Variants in RLF observed in about 807,000 individuals in gnomAD.
The protein encoded by RLF is zinc finger protein Rlf.
In RLF, 7 loss-of-function variants were observed where a neutral mutation model predicts 162.9. That is an observed-to-expected ratio of 0.04 (90% confidence interval 0.02 to 0.08). RLF has a LOEUF of 0.08. Ranked by LOEUF, RLF falls within the 10% of genes least tolerant of loss-of-function variation. The pLI, the probability that RLF is intolerant of heterozygous loss-of-function variation, is 1.00. For synonymous variants in RLF, 782 were observed against 791.5 expected (o/e 0.99, Z 0.20); for missense variants, 1,664 against 2,244.7 (o/e 0.74, Z 5.23).
Position 40,161,703 on chromosome 1 carries a change from T to C in RLF, c.237+67T>C. ...AGTCAGGGAAGGAGGCCCTGGATCC[T>C]CTGTAAGCAGCCGGGTCCAAACTGA... On this transcript the variant is annotated intron_variant, in intron 1 of 7. Transcript: ENST00000372771. The surrounding 1 kb of genome is among the most constrained non-coding windows in gnomAD (Gnocchi z 4.4). The C allele has an allele frequency of 6.4e-7, 1 of 1,573,386 alleles. No individual in the cohort carries two copies. Among genetic ancestry groups the C allele is most frequent in the Non-Finnish European group, 8.6e-7 (1 of 1,168,404 alleles).
At chr1:40,173,875 A>G (rs560180375) in intron 1 of RLF, among the ~76,000 whole-genome samples, 20 of 152,288 alleles carry the variant, frequency 1.3e-4, no homozygotes, top group Admixed American at 3.9e-4. Context: ...AACATGTCCA[A>G]AGAATTATAA....
intron 1 of RLF, among the ~76,000 whole-genome samples, chr1:40,182,795 T>A (rs963073743): frequency 1.5e-5 from 2 of 133,688 alleles, no homozygotes; most frequent in East Asian, 4.8e-4. Context: ...ATAGATAGAG[T>A]AATAAGTTAG....
Position 40,161,571 on chromosome 1 carries a change from A to T in RLF, c.172A>T (p.Thr58Ser). ...GLRPCLWQLE[T>S]ELREQEVSEV... ...GCGGCCGTGTCTGTGGCAGCTGGAG[A>T]CAGAGCTGAGGGAGCAAGAGGTGTC... The change falls in exon 1 of 8, where the codon ACA (threonine) becomes TCA (serine). Residue 58 changes from threonine (T) to serine (S), a missense_variant. By Grantham distance (58) the Thr-to-Ser change is moderately conservative (BLOSUM62 1). Around this residue, in one of 15 missense-constraint regions of RLF, gnomAD observed 134 missense variants for 124.3 expected, o/e 1.08. Transcript: ENST00000372771. The surrounding 1 kb of genome is among the most constrained non-coding windows in gnomAD (Gnocchi z 4.4). The T allele has an allele frequency of 1.2e-6, 2 of 1,612,372 alleles. No homozygotes were observed. The highest frequency in any genetic ancestry group is 1.7e-6 in the Non-Finnish European group (2 of 1,179,262).
intron 6 of RLF, among the ~76,000 whole-genome samples, chr1:40,226,043 C>T (rs2124556510): frequency 6.6e-6 from 1 of 152,020 alleles, no homozygotes; most frequent in Admixed American, 6.6e-5. Flanking sequence ...ACAATGAGAC[C>T]CTGTCTCAAA....
At chr1:40,216,180 A>G (rs1000251585) in intron 5 of RLF, among the ~76,000 whole-genome samples, 3 of 152,222 alleles carry the variant, frequency 2.0e-5, no homozygotes, top group African/African-American at 7.2e-5. Flanking sequence ...ACAAATTTCT[A>G]GAAAGATAAA....
At chr1:40,175,259 T>A (rs1030163699) in intron 1 of RLF, among the ~76,000 whole-genome samples, 5 of 151,950 alleles carry the variant, frequency 3.3e-5, no homozygotes, top group African/African-American at 1.2e-4. Flanking sequence ...TAACAGTAAA[T>A]GTGCATAAAA....
Position 40,237,781 on chromosome 1 carries a change from C to G in RLF, c.3079C>G (p.Leu1027Val), listed in dbSNP as rs2124563049. The G allele has an allele frequency of 1.2e-6, 2 of 1,614,072 alleles. No homozygotes were observed. Among genetic ancestry groups the G allele is most frequent in the East Asian group, 2.2e-5 (1 of 44,880 alleles). ...DTNSDSPDEG[L>V]DHNIHIKCKR... is the part of the protein sequence containing the mutation. The stretch of plus-strand genomic sequence containing the variant: ...AAACAGTGACTCCCCAGATGAAGGT[C>G]TAGATCACAATATTCACATTAAATG... Residue 1027 changes from leucine to valine, a missense_variant, in exon 8 of 8, where the codon CTA (leucine) becomes GTA (valine). Around this residue, in one of 15 missense-constraint regions of RLF, gnomAD observed 295 missense variants for 317.4 expected, o/e 0.93. Coordinates refer to ENST00000372771, the MANE Select transcript of RLF (RefSeq NM_012421.4). The surrounding 1 kb of genome is among the most constrained non-coding windows in gnomAD (Gnocchi z 4.4).
chr1:40,233,830 C>T (rs548758541), intron 7 of RLF, among the ~76,000 whole-genome samples: 1 of 152,336 alleles, frequency 6.6e-6, no homozygotes, highest in African/African-American at 2.4e-5. Flanking sequence ...TCCCCCTTCT[C>T]ACTATTACAC....
intron 1 of RLF, among the ~76,000 whole-genome samples, chr1:40,184,555 T>C (rs1642446786): frequency 6.6e-6 from 1 of 152,170 alleles, no homozygotes; most frequent in South Asian, 2.1e-4. Flanking sequence ...TTGGACATGC[T>C]GAGTTTGAGA....
intron 5 of RLF, among the ~76,000 whole-genome samples, chr1:40,220,192 C>T (rs1642974063): frequency 6.6e-6 from 1 of 152,110 alleles, no homozygotes; most frequent in Admixed American, 6.6e-5. Flanking sequence ...CACGCCACTG[C>T]AGTCCAGCCT....
Position 40,208,898 on chromosome 1 carries a change from C to T in RLF, c.810+6284C>T, listed in dbSNP as rs186896803. 1.6e-3 allele frequency among the ~76,000 whole-genome samples: 241 copies of T among 152,254 alleles called. 1 individual carries two copies. The highest frequency in any genetic ancestry group is 3.4e-3 in the Middle Eastern group (1 of 294). Reference sequence around the variant, plus strand: ...TTACTGGCGCATAGTAGTAAGATGTCCAGTAAGTGGTGTGCCCAGGGTTTA... The same window carrying T: ...TTACTGGCGCATAGTAGTAAGATGTTCAGTAAGTGGTGTGCCCAGGGTTTA... On this transcript the variant is annotated intron_variant, in intron 5 of 7. Transcript: ENST00000372771.
chr1:40,166,853 G>A (rs183977235), intron 1 of RLF, among the ~76,000 whole-genome samples: 1,465 of 132,330 alleles, frequency 0.011, 31 homozygotes, highest in African/African-American at 0.039. Context: ...GGGGCCTGTT[G>A]TGGGGTGGGG....
intron 6 of RLF, among the ~76,000 whole-genome samples, chr1:40,225,482 G>A (rs1474436544): frequency 1.3e-5 from 2 of 151,648 alleles, no homozygotes; most frequent in Admixed American, 1.3e-4. Flanking sequence ...TGGAGGCTGA[G>A]GCAGGAGAAT....
rs1227566263 is a variant in RLF at position 40,178,633 on chromosome 1, T to TTTTG, written c.238-10419_238-10418insGTTT. Among the ~76,000 whole-genome samples the TTTTG allele has an allele frequency of 4.9e-3, 476 of 98,034 alleles. 11 individuals are homozygous for TTTTG. Among genetic ancestry groups the TTTTG allele is most frequent in the East Asian group, 0.033 (145 of 4,450 alleles). The allele number at this position is 98,034 out of a possible 152,430, so 64.3% of individuals were successfully genotyped here. On this transcript the variant is annotated intron_variant, in intron 1 of 7. Coordinates refer to ENST00000372771, the MANE Select transcript of RLF (RefSeq NM_012421.4). ...CTGTCTTTGGTGTTTTTTTTTTTTGTTTTTTTTTTTTTTTTGGAGAGATGG... is the reference window on the plus strand; with the variant it reads ...CTGTCTTTGGTGTTTTTTTTTTTTGTTTTGTTTTTTTTTTTTTTTGGAGAGATGG...
intron 4 of RLF, among the ~76,000 whole-genome samples, chr1:40,198,744 A>G (rs912559695): frequency 2.0e-5 from 3 of 152,216 alleles, no homozygotes; most frequent in Admixed American, 1.3e-4. Context: ...AACCAGTTCA[A>G]TTGTTAAATC....
intron 5 of RLF, among the ~76,000 whole-genome samples, chr1:40,208,981 A>G (rs778671782): frequency 1.3e-4 from 20 of 152,208 alleles, no homozygotes; most frequent in Non-Finnish European, 2.9e-4. Context: ...ACACTCACAC[A>G]TCTCATGTAC....
At chr1:40,175,675 A>C (rs534975389) in intron 1 of RLF, among the ~76,000 whole-genome samples, 11 of 150,820 alleles carry the variant, frequency 7.3e-5, no homozygotes, top group African/African-American at 2.4e-4. Flanking sequence ...TTCTCATTCT[A>C]TTCGGGAGGC....
chr1:40,203,944 A>G (rs1255355493), intron 5 of RLF, among the ~76,000 whole-genome samples: 1 of 151,008 alleles, frequency 6.6e-6, no homozygotes, highest in Non-Finnish European at 1.5e-5. Context: ...ATTTTCCCTT[A>G]TCCCCCTTAT....
chr1:40,229,992 T>C (rs1643132346), intron 6 of RLF, among the ~76,000 whole-genome samples: 1 of 151,676 alleles, frequency 6.6e-6, no homozygotes, highest in Non-Finnish European at 1.5e-5. Context: ...CACATGCCTG[T>C]AATCCCAGCT....
Sources: allele counts gnomAD v4.1 joint callset (sites outside exome capture counted in the v4.1 genomes callset), GRCh38; gene constraint gnomAD v4.1.1; regional missense constraint gnomAD v4.1.1; non-coding constraint Gnocchi (gnomAD v3.1); transcripts MANE v1.5; gene names NCBI Gene and HGNC (gene_info 2026-07-23, HGNC 2026-07-21).